The following RALGAPA2 variants were observed in gnomAD, a reference collection of about 807,000 sequenced individuals.
RALGAPA2 encodes the protein ral GTPase-activating protein subunit alpha-2.
In RALGAPA2, 139 loss-of-function variants were observed where a neutral mutation model predicts 230.4. The ratio of observed to expected loss-of-function variants is 0.60; its 90% confidence interval spans 0.53 to 0.69. RALGAPA2 has a LOEUF of 0.69. RALGAPA2 is among the 30% of genes least tolerant of loss of function. RALGAPA2 has a pLI of 0.00. For synonymous variants in RALGAPA2, 847 were observed against 837.8 expected (o/e 1.01, Z -0.19); for missense variants, 2,163 against 2,276.0 (o/e 0.95, Z 1.01).
chr20:20,409,839 T>C (rs1487638580), intron 38 of RALGAPA2, among the ~76,000 whole-genome samples: 5 of 152,234 alleles, frequency 3.3e-5, no homozygotes, highest in African/African-American at 9.6e-5. Flanking sequence ...ATCTAGTTCA[T>C]TCCTACTCAG....
At chr20:20,474,608 C>A (rs1375592227) in intron 36 of RALGAPA2, among the ~76,000 whole-genome samples, 7 of 152,082 alleles carry the variant, frequency 4.6e-5, no homozygotes, top group African/African-American at 1.7e-4. Context: ...GTAGAGTTGT[C>A]AGGATTTGTT....
At chr20:20,401,479 G>A (rs2059836805) in intron 38 of RALGAPA2, among the ~76,000 whole-genome samples, 1 of 152,162 alleles carries the variant, frequency 6.6e-6, no homozygotes, top group Non-Finnish European at 1.5e-5. Context: ...CCCTTCCAGG[G>A]TGTCTCCCAA....
At chr20:20,662,434 C>G (rs1488696270) in intron 3 of RALGAPA2, among the ~76,000 whole-genome samples, 2 of 151,914 alleles carry the variant, frequency 1.3e-5, no homozygotes, top group Non-Finnish European at 2.9e-5. Flanking sequence ...AAATAAGAGA[C>G]AAATCCATAG....
intron 36 of RALGAPA2, among the ~76,000 whole-genome samples, chr20:20,482,025 A>G (rs944285783): frequency 1.3e-5 from 2 of 152,244 alleles, no homozygotes; most frequent in Non-Finnish European, 2.9e-5. Flanking sequence ...TCTGAGAAAC[A>G]GAATTTTTAT....
intron 37 of RALGAPA2, among the ~76,000 whole-genome samples, chr20:20,468,208 A>T (rs1007937525): frequency 1.3e-5 from 2 of 152,220 alleles, no homozygotes; most frequent in Non-Finnish European, 2.9e-5. Flanking sequence ...CCAGGAATTT[A>T]TCAAACACAT....
chr20:20,497,145 CCCTGGG>C (rs2062233244), intron 35 of RALGAPA2, among the ~76,000 whole-genome samples: 1 of 152,166 alleles, frequency 6.6e-6, no homozygotes, highest in African/African-American at 2.4e-5. Flanking sequence ...CAAAATACAA[CCCTGGG>C]CCTCCTAGTA....
chr20:20,672,426 A>G (rs763112349), intron 3 of RALGAPA2, among the ~76,000 whole-genome samples: 2 of 152,226 alleles, frequency 1.3e-5, no homozygotes, highest in Non-Finnish European at 2.9e-5. Flanking sequence ...AAAATAAAAG[A>G]TGTCTAAAAA....
At chr20:20,482,010 A>G (rs1405230347) in intron 36 of RALGAPA2, among the ~76,000 whole-genome samples, 1 of 152,246 alleles carries the variant, frequency 6.6e-6, no homozygotes, top group Non-Finnish European at 1.5e-5. Context: ...AATGTAAGGT[A>G]TATTTCTGAG....
At position 20,636,572 on chromosome 20, in the gene RALGAPA2, G is replaced by C. The variant is rs146355299; in HGVS notation, c.805+791C>G. On this transcript the variant is annotated intron_variant, in intron 8 of 39. Transcript: ENST00000202677. ...TGTGTGTGTGTATGTGTGTGTGTGT[G>C]TGTGTGTGTGTACGCATACATAGAA... Among the ~76,000 whole-genome samples, 22 of 152,102 alleles carry C rather than the reference G, an allele frequency of 1.4e-4. No homozygotes were observed. The East Asian group carries it at 4.3e-3, about 29-fold the overall frequency.
intron 20 of RALGAPA2, among the ~76,000 whole-genome samples, chr20:20,576,074 AT>A (rs1347724970): frequency 6.6e-6 from 1 of 151,264 alleles, no homozygotes; most frequent in African/African-American, 2.4e-5. Flanking sequence ...ATATTTGGTA[AT>A]TTTTTCCTGA....
intron 18 of RALGAPA2, among the ~76,000 whole-genome samples, chr20:20,587,073 T>C (rs950223257): frequency 3.3e-5 from 5 of 152,006 alleles, no homozygotes; most frequent in South Asian, 4.1e-4. Context: ...GCATGGCACA[T>C]AGCATATACC....
chr20:20,520,022 C>T (rs2062988956), intron 31 of RALGAPA2, among the ~76,000 whole-genome samples: 1 of 152,172 alleles, frequency 6.6e-6, no homozygotes, highest in African/African-American at 2.4e-5. Context: ...GACGGGATTA[C>T]AGGTGGGAGC....
chr20:20,659,737 G>A, intron 3 of RALGAPA2: 1 of 787,032 alleles, frequency 1.3e-6, no homozygotes. Flanking sequence ...CTTGAAAGAT[G>A]ATGACACTGG....
intron 1 of RALGAPA2, among the ~76,000 whole-genome samples, chr20:20,705,195 A>T (rs186149611): frequency 2.4e-4 from 37 of 152,268 alleles, no homozygotes; most frequent in African/African-American, 8.9e-4. Context: ...TCTTTAAAAC[A>T]ATGTTTGTGA....
chr20:20,465,347 G>A (rs2061398118), intron 37 of RALGAPA2, among the ~76,000 whole-genome samples: 1 of 152,188 alleles, frequency 6.6e-6, no homozygotes, highest in Non-Finnish European at 1.5e-5. Flanking sequence ...CTATGGGAGG[G>A]TGAGGGGTCC....
intron 9 of RALGAPA2, among the ~76,000 whole-genome samples, chr20:20,634,770 TG>T (rs1249360891): frequency 6.6e-6 from 1 of 152,172 alleles, no homozygotes; most frequent in Non-Finnish European, 1.5e-5. Flanking sequence ...CCTCCACAAA[TG>T]GTAGTGCTCC....
intron 1 of RALGAPA2, among the ~76,000 whole-genome samples, chr20:20,706,790 G>A (rs2069626391): frequency 6.6e-6 from 1 of 152,132 alleles, no homozygotes; most frequent in South Asian, 2.1e-4. Context: ...ACTAGCAGAA[G>A]CATAACATGG....
chr20:20,634,179 T>C (rs1287335083), intron 9 of RALGAPA2, among the ~76,000 whole-genome samples: 1 of 152,118 alleles, frequency 6.6e-6, no homozygotes, highest in Non-Finnish European at 1.5e-5. Flanking sequence ...TAAACTCTTA[T>C]TATTTGTTCA....
At chr20:20,539,760 C>T in intron 24 of RALGAPA2, among the ~76,000 whole-genome samples, 1 of 152,116 alleles carries the variant, frequency 6.6e-6, no homozygotes, top group Non-Finnish European at 1.5e-5. Context: ...AAACATCATC[C>T]CATCTCCCCC....
Sources: allele counts gnomAD v4.1 joint callset (sites outside exome capture counted in the v4.1 genomes callset), GRCh38; gene constraint gnomAD v4.1.1; transcripts MANE v1.5; gene names NCBI Gene and HGNC (gene_info 2026-07-23, HGNC 2026-07-21).